ELP1: variants seen among roughly 807,000 people sequenced by gnomAD.
The protein encoded by ELP1 is elongator acetyltransferase complex subunit 1.
A neutral mutation model predicts 183.2 loss-of-function variants in ELP1; 131 were observed. The ratio of observed to expected loss-of-function variants is 0.72; its 90% confidence interval spans 0.62 to 0.83. The LOEUF (loss-of-function observed/expected upper bound fraction) is 0.83. ELP1 is among the 40% of genes least tolerant of loss of function. The probability of loss-of-function intolerance (pLI) is 0.00; values close to 1 mark genes in which losing one functional copy is unlikely to be tolerated. For synonymous variants in ELP1, 555 were observed against 569.0 expected (o/e 0.98, Z 0.35); for missense variants, 1,550 against 1,594.9 (o/e 0.97, Z 0.48).
chr9:108,891,454 C>A (rs1034566628), intron 27 of ELP1, 50 bp from the exon 28 acceptor site: 2 of 1,547,100 alleles, frequency 1.3e-6, no homozygotes, highest in African/African-American at 1.4e-5. Flanking sequence ...ACAATCATTT[C>A]TCTAAAGCTC....
At chr9:108,908,549 C>T (rs1484001113) in intron 12 of ELP1, 145 bp from the exon 13 acceptor site, 8 of 685,972 alleles carry the variant, frequency 1.2e-5, no homozygotes, top group Non-Finnish European at 2.1e-5. Context: ...AAAATTTCTG[C>T]TTTCCTCTTA....
At chr9:108,922,482 A>G (rs1184768240) in intron 6 of ELP1, among the ~76,000 whole-genome samples, 2 of 152,252 alleles carry the variant, frequency 1.3e-5, no homozygotes, top group African/African-American at 2.4e-5. Context: ...TGGGAAAAGT[A>G]TGAGAACATG....
chr9:108,919,794 T>TG (rs1829577148), intron 6 of ELP1, among the ~76,000 whole-genome samples: 2 of 151,642 alleles, frequency 1.3e-5, no homozygotes, highest in Admixed American at 1.3e-4. Flanking sequence ...GCCACAGAGG[T>TG]GGTAAAGGCA....
intron 29 of ELP1, 21 bp downstream of exon 29, chr9:108,889,311 G>T (rs200258457): frequency 1.9e-6 from 3 of 1,610,576 alleles, no homozygotes; most frequent in Non-Finnish European, 2.5e-6. Flanking sequence ...GGGGGGTTTA[G>T]AAGGGAGGAA....
Position 108,878,652 on chromosome 9 carries a change from T to C in ELP1, c.3671A>G (p.Glu1224Gly). ...EDLALLEALSEVVQNTENLKD... is the reference protein window; with the variant it reads ...EDLALLEALSGVVQNTENLKD... ...CAGGTTTTCAGTGTTCTGCACCACT[T>C]CACTCAGTGCCTCCAGGAGGGCCAG... Residue 1224 changes from glutamate (E) to glycine (G), a missense_variant, in exon 34 of 37, where the codon GAA (glutamate) becomes GGA (glycine). Physicochemically the swap from Glu to Gly is moderately conservative, Grantham distance 98. Transcript: ENST00000374647. 2.5e-6 allele frequency: 4 copies of C among 1,614,240 alleles called. No individual in the cohort carries two copies. Among genetic ancestry groups the C allele is most frequent in the Non-Finnish European group, 2.5e-6 (3 of 1,180,032 alleles).
chr9:108,891,250 A>G lies in ELP1; in HGVS notation c.3113T>C (p.Leu1038Pro), dbSNP rs1219540457. 3.1e-6 allele frequency: 5 copies of G among 1,614,254 alleles called. No individual in the cohort carries two copies. Among genetic ancestry groups the G allele is most frequent in the Non-Finnish European group, 3.4e-6 (4 of 1,180,034 alleles). Residue 1038 changes from leucine to proline, a missense_variant, in exon 28 of 37, where the codon CTT becomes CCT. Coordinates refer to ENST00000374647, the MANE Select transcript of ELP1 (RefSeq NM_003640.5). ...CACCAGCTGGTCTTTGGTAAAGTTA[A>G]GCTGGGCTGCCACACAGAGGGCTTG... ...WKQALCVAAQ[L>P]NFTKDQLVGL...
rs753943910 is a variant in ELP1 at position 108,874,983 on chromosome 9, T to C, written c.3856-13A>G. 5 of 1,569,324 alleles carry C rather than the reference T, an allele frequency of 3.2e-6. No homozygotes were observed. The highest frequency in any genetic ancestry group is 2.2e-5 in the East Asian group (1 of 44,692). ...TGGGACCTAGAACCTGAGGAGAAAATAGACTGTATCAGCAAAGATTATCTA... is the reference window on the plus strand; with the variant it reads ...TGGGACCTAGAACCTGAGGAGAAAACAGACTGTATCAGCAAAGATTATCTA... On this transcript the variant is annotated splice_polypyrimidine_tract_variant and intron_variant, in intron 35 of 36. Transcript: ENST00000374647.
intron 5 of ELP1, 72 bp downstream of exon 5, chr9:108,926,451 T>G (rs1829826362): frequency 8.9e-7 from 1 of 1,117,470 alleles, no homozygotes; most frequent in Non-Finnish European, 1.3e-6. Flanking sequence ...GACATGGCTA[T>G]TAGTGCACAA....
chr9:108,891,329 A>G lies in ELP1; in HGVS notation c.3034T>C (p.Cys1012Arg). ...YEPAGLMFAR[C>R]GAHEKALSAF... Reference sequence around the variant, plus strand: ...GAGAGAGCTTTCTCGTGGGCACCGCAACGGGCAAACATGAGCCCCGCTGGC... The same window carrying G: ...GAGAGAGCTTTCTCGTGGGCACCGCGACGGGCAAACATGAGCCCCGCTGGC... Residue 1012 changes from cysteine (C) to arginine (R), a missense_variant, in exon 28 of 37, where the codon TGC becomes CGC. Coordinates refer to ENST00000374647, the MANE Select transcript of ELP1 (RefSeq NM_003640.5). 6.2e-7 allele frequency: 1 copy of G among 1,614,198 alleles called. No homozygotes were observed. Among genetic ancestry groups the G allele is most frequent in the Non-Finnish European group, 8.5e-7 (1 of 1,180,032 alleles).
intron 31 of ELP1, among the ~76,000 whole-genome samples, chr9:108,881,040 G>T (rs2118943857): frequency 6.6e-6 from 1 of 152,270 alleles, no homozygotes; most frequent in South Asian, 2.1e-4. Flanking sequence ...GCTTTTAAGA[G>T]GTCACAGTGA....
intron 10 of ELP1, among the ~76,000 whole-genome samples, chr9:108,914,620 C>T (rs1829362970): frequency 6.6e-6 from 1 of 151,906 alleles, no homozygotes; most frequent in Non-Finnish European, 1.5e-5. Flanking sequence ...TGTATCACAC[C>T]TACACTTTTT....
chr9:108,899,928 T>A (rs763880693), intron 19 of ELP1, 33 bp from the exon 20 acceptor site: 1 of 1,561,898 alleles, frequency 6.4e-7, no homozygotes, highest in Non-Finnish European at 8.8e-7. Flanking sequence ...CATTTTTAAT[T>A]AAGTAGAAAA....
intron 10 of ELP1, among the ~76,000 whole-genome samples, chr9:108,914,819 G>GT (rs1829370602): frequency 6.6e-6 from 1 of 152,072 alleles, no homozygotes; most frequent in South Asian, 2.1e-4. Context: ...TAGAGATGGG[G>GT]TTACACCGTG....
chr9:108,910,909 A>G, intron 12 of ELP1, 101 bp downstream of exon 12: 1 of 1,011,008 alleles, frequency 9.9e-7, no homozygotes, highest in East Asian at 2.4e-5. Context: ...AAAAATTTTG[A>G]GAAACACTAG....
At chr9:108,920,470 T>G (rs139439218) in intron 6 of ELP1, among the ~76,000 whole-genome samples, 1 of 152,028 alleles carries the variant, frequency 6.6e-6, no homozygotes, top group Non-Finnish European at 1.5e-5. Context: ...TTAGTAGAGA[T>G]AGGATTTCAC....
chr9:108,913,749 C>T (rs1214175298), intron 10 of ELP1, among the ~76,000 whole-genome samples: 2 of 152,090 alleles, frequency 1.3e-5, no homozygotes, highest in African/African-American at 4.8e-5. Context: ...CCAGTTCAAG[C>T]GATTCCCTTG....
intron 3 of ELP1, 114 bp from the exon 4 acceptor site, chr9:108,927,567 G>A: frequency 1.2e-6 from 1 of 816,948 alleles, no homozygotes; most frequent in Non-Finnish European, 2.1e-6. Context: ...TCAGTATATG[G>A]AAGAGATATC....
chr9:108,884,511 T>C (rs1828050577), intron 29 of ELP1, among the ~76,000 whole-genome samples: 2 of 152,162 alleles, frequency 1.3e-5, no homozygotes, highest in African/African-American at 2.4e-5. Context: ...TAAAATAAAT[T>C]ATAAATTTAA....
At chr9:108,903,706 A>G (rs759010407) in intron 14 of ELP1, 37 bp from the exon 15 acceptor site, 5 of 1,455,936 alleles carry the variant, frequency 3.4e-6, no homozygotes, top group South Asian at 3.4e-5. Flanking sequence ...TAAACAGACC[A>G]TTTTTCTCAA....
Sources: gnomAD v4.1 joint callset for allele counts (sites outside exome capture counted in the v4.1 genomes callset) on GRCh38, gnomAD v4.1.1 for gene constraint, MANE v1.5 for transcripts, NCBI Gene and HGNC (gene_info 2026-07-23, HGNC 2026-07-21) for gene names.